Variants in PTAFR observed in about 807,000 individuals in gnomAD.
PTAFR encodes platelet activating factor receptor, also known as platelet-activating factor receptor.
In PTAFR, 8 loss-of-function variants were observed where a neutral mutation model predicts 14.7. The observed-to-expected ratio is 0.54, with a 90% confidence interval of 0.32 to 0.98. The LOEUF (loss-of-function observed/expected upper bound fraction) is 0.98, where lower values mean the gene tolerates loss of function less well. Ranked by LOEUF, PTAFR falls within the 50% of genes least tolerant of loss-of-function variation. The pLI is 0.04. For synonymous variants in PTAFR, 156 were observed against 176.5 expected, an observed-to-expected ratio of 0.88 and a Z score of 0.92; for missense variants, 337 against 451.2, an observed-to-expected ratio of 0.75 and a Z score of 2.29.
intron 1 of PTAFR, among the ~76,000 whole-genome samples, chr1:28,155,799 T>A (rs1646257499): frequency 1.3e-5 from 2 of 152,062 alleles, no homozygotes; most frequent in Non-Finnish European, 2.9e-5. Context: ...GCCTGGAAGG[T>A]CAAGGCTGCA....
Sources: allele counts gnomAD v4.1 joint callset (sites outside exome capture counted in the v4.1 genomes callset), GRCh38; gene constraint gnomAD v4.1.1; transcripts MANE v1.5; gene names NCBI Gene and HGNC (gene_info 2026-07-23, HGNC 2026-07-21).